Variants in RREB1 observed in about 807,000 individuals in gnomAD.
RREB1 encodes the protein ras responsive element binding protein 1, also known as ras-responsive element-binding protein 1.
A neutral mutation model predicts 117.8 loss-of-function variants in RREB1; 27 were observed. That is an observed-to-expected ratio of 0.23 (90% CI 0.17 to 0.32). The LOEUF (loss-of-function observed/expected upper bound fraction) is 0.32. Ranked by LOEUF, RREB1 falls within the 10% of genes least tolerant of loss-of-function variation. The pLI, the probability that RREB1 is intolerant of heterozygous loss-of-function variation, is 1.00. For missense variants in RREB1, 2,577 were observed against 2,378.2 expected, an observed-to-expected ratio of 1.08 and a Z score of -1.74; for synonymous variants, 1,298 against 1,026.7, an observed-to-expected ratio of 1.26 and a Z score of -5.05.
chr6:7,197,638 C>T (rs1274993205), intron 6 of RREB1, among the ~76,000 whole-genome samples: 2 of 152,204 alleles, frequency 1.3e-5, no homozygotes, highest in African/African-American at 2.4e-5. Context: ...TGCACTCCAG[C>T]CTGGGCAACA....
chr6:7,166,050 G>A (rs1252932681), intron 1 of RREB1, among the ~76,000 whole-genome samples: 1 of 152,158 alleles, frequency 6.6e-6, no homozygotes, highest in Non-Finnish European at 1.5e-5. Context: ...GTGGAGGGGC[G>A]GTGGCCCTTT....
chr6:7,131,752 A>G (rs957912688), intron 1 of RREB1, among the ~76,000 whole-genome samples: 3 of 152,124 alleles, frequency 2.0e-5, no homozygotes, highest in African/African-American at 7.2e-5. Flanking sequence ...TGTAAGCCAC[A>G]CGCCCGGCCA....
At chr6:7,110,738 T>C (rs1251529548) in intron 1 of RREB1, among the ~76,000 whole-genome samples, 5 of 152,250 alleles carry the variant, frequency 3.3e-5, no homozygotes, top group Non-Finnish European at 5.9e-5. Context: ...ACTTGCATTG[T>C]CTTTGTCTTA....
At chr6:7,239,965 CTTCTT>C (rs973535708) in intron 10 of RREB1, among the ~76,000 whole-genome samples, 3 of 152,208 alleles carry the variant, frequency 2.0e-5, no homozygotes, top group African/African-American at 7.2e-5. Flanking sequence ...CTGTCCCTGA[CTTCTT>C]CTCTTCATGG....
chr6:7,250,617 C>T lies in RREB1; in HGVS notation c.*1649C>T, dbSNP rs771706031. 6 of 152,008 alleles carry T rather than the reference C, an allele frequency of 3.9e-5. No homozygotes were observed. The highest frequency in any genetic ancestry group is 5.9e-5 in the Non-Finnish European group (4 of 68,040). 9.4% of individuals were successfully genotyped at this position (152,008 alleles called of 1,614,324 possible). A position where few individuals can be genotyped will look rare whatever the true frequency, so the allele number is the denominator to read the frequency against. ...TCTTGCCTTCCCCTGGGGAGGCACCCCTGTACCCCAGCTTCCTTCCCCTGG... is the reference window on the plus strand; with the variant it reads ...TCTTGCCTTCCCCTGGGGAGGCACCTCTGTACCCCAGCTTCCTTCCCCTGG... On this transcript the variant is annotated 3_prime_UTR_variant, in exon 13 of 13. Coordinates refer to ENST00000379938, the MANE Select transcript of RREB1 (RefSeq NM_001003699.4).
chr6:7,246,259 C>G (rs1463367106), intron 11 of RREB1, among the ~76,000 whole-genome samples, 165 bp from the exon 12 acceptor site: 2 of 152,194 alleles, frequency 1.3e-5, no homozygotes, highest in Non-Finnish European at 2.9e-5. Context: ...CATCTTGGTC[C>G]TCCTGGGGGA....
At position 7,246,565 on chromosome 6, in the gene RREB1, A is replaced by C. The variant is rs541412101; in HGVS notation, c.4115A>C (p.Glu1372Ala). 1.3e-6 allele frequency: 2 copies of C among 1,549,516 alleles called. No homozygotes were observed. The highest frequency in any genetic ancestry group is 2.7e-5 in the African/African-American group (2 of 73,374). Reference protein sequence around the residue: ...GDAPVEQATAETASPVHREEH... With the variant: ...GDAPVEQATAATASPVHREEH... ...GCGCCTGTGGAGCAGGCCACGGCGG[A>C]AACGGCCTCGCCGGTGCACCGGGAA... The change falls in exon 12 of 13, where the codon GAA becomes GCA. Residue 1372 changes from glutamate (E) to alanine (A), a missense_variant. By Grantham distance (107) the Glu-to-Ala change is moderately radical. Transcript: ENST00000379938.
intron 1 of RREB1, among the ~76,000 whole-genome samples, chr6:7,162,844 A>AT (rs961250474): frequency 6.6e-6 from 1 of 151,322 alleles, no homozygotes; most frequent in Non-Finnish European, 1.5e-5. Context: ...TTTTATTTTT[A>AT]TTTTTTTATT....
At chr6:7,247,699 C>T (rs1769172701) in intron 12 of RREB1, among the ~76,000 whole-genome samples, 1 of 152,172 alleles carries the variant, frequency 6.6e-6, no homozygotes, top group African/African-American at 2.4e-5. Context: ...CCGTGCAGTT[C>T]GGCTGAGATG....
intron 12 of RREB1, among the ~76,000 whole-genome samples, chr6:7,247,445 TTG>T (rs1007037669): frequency 6.6e-6 from 1 of 152,112 alleles, no homozygotes; most frequent in African/African-American, 2.4e-5. Context: ...TCCTTGGCCG[TTG>T]TGTTTTTGAG....
rs1767765355 is a variant in RREB1, at chr6:7,229,234, C to T, written c.1135C>T (p.Pro379Ser). ...GCACACCAAAGACGTCAGGCCTGCC[C>T]CCGCCGAGGAGCCCCTGCCGGATGA... ...LQHTKDVRPA[P>S]AEEPLPDDNQ... The change falls in exon 10 of 13, where the codon CCC (proline) becomes TCC (serine). Residue 379 changes from proline to serine, a missense_variant. Transcript: ENST00000379938. This position sits in a 1 kb window ranked among gnomAD's most constrained non-coding sequence, Gnocchi z 4.5. The T allele has an allele frequency of 6.2e-7, 1 of 1,614,038 alleles. No individual in the cohort carries two copies. Among genetic ancestry groups the T allele is most frequent in the Non-Finnish European group, 8.5e-7 (1 of 1,179,986 alleles).
chr6:7,232,561 T>C (rs1429272924), intron 10 of RREB1, among the ~76,000 whole-genome samples: 1 of 152,104 alleles, frequency 6.6e-6, no homozygotes, highest in East Asian at 1.9e-4. Flanking sequence ...GAAACTTCTC[T>C]CAGAAGGGCC....
chr6:7,244,872 G>C (rs753285600), intron 11 of RREB1, among the ~76,000 whole-genome samples: 3 of 152,216 alleles, frequency 2.0e-5, no homozygotes, highest in Non-Finnish European at 4.4e-5. Flanking sequence ...TGACCGCCTT[G>C]ATGGCAAATC....
intron 10 of RREB1, among the ~76,000 whole-genome samples, chr6:7,236,893 T>G (rs1192903335): frequency 4.5e-5 from 6 of 133,452 alleles, no homozygotes; most frequent in African/African-American, 1.7e-4. Flanking sequence ...GGAGGTTTTT[T>G]TTTTTTTTTT....
intron 1 of RREB1, among the ~76,000 whole-genome samples, chr6:7,138,028 C>G (rs567342929): frequency 8.5e-5 from 13 of 152,298 alleles, no homozygotes; most frequent in African/African-American, 3.1e-4. Flanking sequence ...TTTACTATCA[C>G]TGCAAAAAGC....
intron 1 of RREB1, among the ~76,000 whole-genome samples, chr6:7,154,634 T>C (rs991317602): frequency 1.3e-5 from 2 of 152,156 alleles, no homozygotes; most frequent in African/African-American, 4.8e-5. Context: ...ATCTCACAGA[T>C]GAGGAAATTG....
chr6:7,119,533 A>AG (rs1761573019), intron 1 of RREB1, among the ~76,000 whole-genome samples: 1 of 152,142 alleles, frequency 6.6e-6, no homozygotes, highest in Non-Finnish European at 1.5e-5. Context: ...GTGAGAGGAA[A>AG]GAAAAAGCGT....
chr6:7,193,924 A>T (rs1178312175), intron 6 of RREB1, among the ~76,000 whole-genome samples: 1 of 151,862 alleles, frequency 6.6e-6, no homozygotes, highest in African/African-American at 2.4e-5. Context: ...GAAATAATTG[A>T]TGTAGCTTTT....
Position 7,246,974 on chromosome 6 carries a change from G to A in RREB1, c.4524G>A (p.Val1508=), listed in dbSNP as rs1413632340. The change falls in exon 12 of 13, where the codon GTG becomes GTA. Residue 1508 remains valine (V), a synonymous_variant. Transcript: ENST00000379938. ...EKPPETPAEV[V]ESAPGAGEAP... is the part of the protein sequence containing the mutation. ...CCCCCGAGACCCCGGCAGAGGTGGT[G>A]GAGTCGGCCCCGGGTGCCGGGGAGG... The A allele has an allele frequency of 2.5e-6, 4 of 1,578,468 alleles. No homozygotes were observed. Among genetic ancestry groups the A allele is most frequent in the Non-Finnish European group, 2.6e-6 (3 of 1,163,086 alleles).
Sources: allele counts gnomAD v4.1 joint callset (sites outside exome capture counted in the v4.1 genomes callset), GRCh38; gene constraint gnomAD v4.1.1; non-coding constraint Gnocchi (gnomAD v3.1); transcripts MANE v1.5; gene names NCBI Gene and HGNC (gene_info 2026-07-23, HGNC 2026-07-21).